Variants in TRAF5 observed in about 807,000 individuals in gnomAD.
The protein encoded by TRAF5 is TNF receptor associated factor 5.
TRAF5 carries 48 observed loss-of-function variants against 64.5 expected under a neutral mutation model. That is an observed-to-expected ratio of 0.74 (90% CI 0.59 to 0.95). TRAF5 has a LOEUF of 0.95. TRAF5 is among the 40% of genes least tolerant of loss of function. The pLI is 0.00. For synonymous variants in TRAF5, 206 were observed against 240.5 expected (o/e 0.86, Z 1.33); for missense variants, 545 against 662.8 (o/e 0.82, Z 1.95).
intron 7 of TRAF5, among the ~76,000 whole-genome samples, chr1:211,362,634 C>T (rs148139885): frequency 3.3e-5 from 5 of 152,156 alleles, no homozygotes; most frequent in Admixed American, 6.5e-5. Flanking sequence ...GAGCCAAGGT[C>T]GCGCCACTGC....
In TRAF5 at chr1:211,333,481, C is replaced by T. The variant is rs149744538; in HGVS notation, c.-2+6592C>T. 2.2e-3 allele frequency among the ~76,000 whole-genome samples: 332 copies of T among 151,772 alleles called. 2 individuals carry two copies. The highest frequency in any genetic ancestry group is 7.8e-3 in the African/African-American group (323 of 41,374). ...CCTCCCAAAGTGCTGGGATTACAGGCGTGAGCCACGGTGCCCAGTCTTGTT... is the reference window on the plus strand; with the variant it reads ...CCTCCCAAAGTGCTGGGATTACAGGTGTGAGCCACGGTGCCCAGTCTTGTT... On this transcript the variant is annotated intron_variant, in intron 1 of 10. Coordinates refer to ENST00000261464, the MANE Select transcript of TRAF5 (RefSeq NM_001033910.3).
chr1:211,361,540 G>C (rs1382557593), intron 7 of TRAF5, among the ~76,000 whole-genome samples: 1 of 152,076 alleles, frequency 6.6e-6, no homozygotes, highest in African/African-American at 2.4e-5. Flanking sequence ...ACACTATGGA[G>C]GGTAATCTGC....
chr1:211,368,651 G>C (rs1703429167), intron 8 of TRAF5, among the ~76,000 whole-genome samples: 1 of 152,186 alleles, frequency 6.6e-6, no homozygotes, highest in Admixed American at 6.5e-5. Context: ...GTTAAAATTG[G>C]CAACTGTTGC....
At chr1:211,371,492 T>G (rs1353163484) in intron 10 of TRAF5, 22 bp downstream of exon 10, 1 of 1,596,738 alleles carries the variant, frequency 6.3e-7, no homozygotes. Context: ...ATTTTATTTC[T>G]CTTTTGGTGA....
rs942595273 is a variant in TRAF5 at position 211,355,925 on chromosome 1, T to C, written c.277-442T>C. On this transcript the variant is annotated intron_variant, in intron 3 of 10. Coordinates refer to ENST00000261464, the MANE Select transcript of TRAF5 (RefSeq NM_001033910.3). ...AATGTGGCAACAGAGATGATCGTGA[T>C]GTGGACTATCTGACCCCTTACAGAG... Among the ~76,000 whole-genome samples, 14 of 152,352 alleles carry C rather than the reference T, an allele frequency of 9.2e-5. No homozygotes were observed. The East Asian group carries it at 2.5e-3, about 27-fold the overall frequency.
At chr1:211,354,094 G>T (rs1702883045) in intron 2 of TRAF5, among the ~76,000 whole-genome samples, 1 of 152,216 alleles carries the variant, frequency 6.6e-6, no homozygotes, top group South Asian at 2.1e-4. Context: ...CCCCATGTCT[G>T]CCCTCTAGAA....
At chr1:211,368,029 T>C (rs1050163901) in intron 8 of TRAF5, among the ~76,000 whole-genome samples, 1 of 151,660 alleles carries the variant, frequency 6.6e-6, no homozygotes, top group Non-Finnish European at 1.5e-5. Flanking sequence ...TCTCGGCGGG[T>C]GGTGCAAGTA....
At chr1:211,364,068 A>G (rs946440962) in intron 7 of TRAF5, among the ~76,000 whole-genome samples, 1 of 152,164 alleles carries the variant, frequency 6.6e-6, no homozygotes. Context: ...CTTATTTAGG[A>G]CAGCCTGTCA....
intron 1 of TRAF5, among the ~76,000 whole-genome samples, chr1:211,348,978 T>C (rs983251046): frequency 1.4e-5 from 2 of 147,676 alleles, no homozygotes; most frequent in African/African-American, 2.5e-5. Context: ...GCTGAAAGGA[T>C]TGCTTGTGGC....
At chr1:211,341,640 G>T (rs539894473) in intron 1 of TRAF5, among the ~76,000 whole-genome samples, 3 of 152,268 alleles carry the variant, frequency 2.0e-5, no homozygotes, top group African/African-American at 7.2e-5. Flanking sequence ...ATCGGGCATT[G>T]CTCTGGAGCT....
chr1:211,334,419 G>T, intron 1 of TRAF5, among the ~76,000 whole-genome samples: 1 of 152,236 alleles, frequency 6.6e-6, no homozygotes, highest in East Asian at 1.9e-4. Flanking sequence ...AGCACTTTGG[G>T]AGACCGAGGC....
rs756183569 is a variant in TRAF5, at chr1:211,372,277, AAGAG to A, written c.1254_1257del (p.Glu419ArgfsTer29). 6 of 1,614,052 alleles carry A rather than the reference AAGAG, an allele frequency of 3.7e-6. No homozygotes were observed. In the East Asian group the frequency reaches 1.1e-4, roughly 30 times the overall value. Reference sequence around the variant, plus strand: ...GAAGGTGACAGATTACAAGATGAAGAAGAGAGAGGCGGTGGATGGGCACACAGTG... The same window carrying A: ...GAAGGTGACAGATTACAAGATGAAGAAGAGGCGGTGGATGGGCACACAGTG... On this transcript the variant is annotated frameshift_variant, in exon 11 of 11. Transcript: ENST00000261464. LOFTEE classifies it high-confidence loss of function.
intron 1 of TRAF5, among the ~76,000 whole-genome samples, chr1:211,351,625 T>G (rs1463621638): frequency 2.0e-5 from 3 of 152,118 alleles, no homozygotes; most frequent in African/African-American, 7.2e-5. Context: ...TGTGATCCAT[T>G]CTGAGTTCAT....
At chr1:211,327,201 G>C (rs1702040270) in intron 1 of TRAF5, among the ~76,000 whole-genome samples, 1 of 152,156 alleles carries the variant, frequency 6.6e-6, no homozygotes, top group South Asian at 2.1e-4. Context: ...CCAAAGCTGG[G>C]GAGCTGGTCC....
At chr1:211,349,358 G>A (rs539970380) in intron 1 of TRAF5, among the ~76,000 whole-genome samples, 9 of 152,338 alleles carry the variant, frequency 5.9e-5, no homozygotes, top group East Asian at 3.9e-4. Context: ...AGCAGATTCC[G>A]TGTCTGGTGA....
At chr1:211,338,305 C>T (rs912958151) in intron 1 of TRAF5, among the ~76,000 whole-genome samples, 1 of 152,164 alleles carries the variant, frequency 6.6e-6, no homozygotes, top group Admixed American at 6.5e-5. Flanking sequence ...TGTTCTAGAA[C>T]AGATTCTTAG....
chr1:211,357,329 T>C (rs1209884865), intron 4 of TRAF5: 1 of 152,248 alleles, frequency 6.6e-6, no homozygotes, highest in Non-Finnish European at 1.5e-5. Flanking sequence ...AATGTGTAAA[T>C]GATTTCCTTG....
intron 1 of TRAF5, among the ~76,000 whole-genome samples, chr1:211,340,890 T>C (rs1435258902): frequency 6.6e-6 from 1 of 152,232 alleles, no homozygotes; most frequent in Non-Finnish European, 1.5e-5. Flanking sequence ...CCCACCTTTA[T>C]CTCTCAAACT....
At chr1:211,348,141 TATATG>T (rs1482718099) in intron 1 of TRAF5, among the ~76,000 whole-genome samples, 2 of 152,226 alleles carry the variant, frequency 1.3e-5, no homozygotes, top group East Asian at 1.9e-4. Flanking sequence ...AGCTAAATGA[TATATG>T]ATATGCAACA....
Sources: allele counts gnomAD v4.1 joint callset (sites outside exome capture counted in the v4.1 genomes callset), GRCh38; gene constraint gnomAD v4.1.1; transcripts MANE v1.5; gene names NCBI Gene and HGNC (gene_info 2026-07-23, HGNC 2026-07-21).